The following GLRA2 variants were observed in gnomAD, a reference collection of about 807,000 sequenced individuals.
GLRA2 encodes the protein glycine receptor subunit alpha-2.
A neutral mutation model predicts 31.6 loss-of-function variants in GLRA2; 11 were observed. The observed-to-expected ratio is 0.35, with a 90% CI of 0.22 to 0.58. GLRA2 has a LOEUF of 0.58. Among genes scored for constraint, GLRA2 ranks in the 20% least tolerant of loss-of-function variants. The pLI, the probability that GLRA2 is intolerant of heterozygous loss-of-function variation, is 0.84. For missense variants in GLRA2, 212 were observed against 351.8 expected (o/e 0.60, Z 3.18); for synonymous variants, 132 against 134.0 (o/e 0.99, Z 0.10).
Position 14,661,523 on chromosome X carries a change from CAA to C in GLRA2, c.931-29186_931-29185del, listed in dbSNP as rs985551316. The stretch of plus-strand genomic sequence containing the variant: ...AAAATGTATAGCTGACAGACTAAGA[CAA>C]GAGAAAAATAATAACTTCTAGGAAG... On this transcript the variant is annotated intron_variant, in intron 7 of 8. Coordinates refer to ENST00000218075, the MANE Select transcript of GLRA2 (RefSeq NM_002063.4). Among the ~76,000 whole-genome samples the C allele has an allele frequency of 3.6e-5, 4 of 111,490 alleles. No individual in the cohort carries two copies. In the East Asian group the frequency reaches 8.4e-4, roughly 23 times the overall value.
chrX:14,587,332 T>C (rs2090091465), intron 4 of GLRA2, among the ~76,000 whole-genome samples: 1 of 112,115 alleles, frequency 8.9e-6, no homozygotes, highest in Non-Finnish European at 1.9e-5. Context: ...CTGGTTCGAA[T>C]AGTATCTCTG....
At chrX:14,585,384 C>T (rs1238363428) in intron 4 of GLRA2, among the ~76,000 whole-genome samples, 1 of 111,485 alleles carries the variant, frequency 9.0e-6, no homozygotes, top group East Asian at 2.8e-4. Context: ...ACAAGGAAAA[C>T]AAAAGTGGCT....
chrX:14,459,920 T>G, the GLRA2 span, among the ~76,000 whole-genome samples: 1 of 111,582 alleles, frequency 9.0e-6, no homozygotes. Context: ...TGAATAGGAG[T>G]GGTGAGAGAG....
chrX:14,681,929 ATG>A (rs2091214791), intron 7 of GLRA2, among the ~76,000 whole-genome samples: 5 of 84,654 alleles, frequency 5.9e-5, no homozygotes, highest in African/African-American at 4.1e-5. Flanking sequence ...ATATATATAT[ATG>A]TATATATATG....
chrX:14,639,897 A>C (rs139275640), intron 7 of GLRA2, among the ~76,000 whole-genome samples: 3,195 of 112,326 alleles, frequency 0.028, 110 homozygotes, highest in African/African-American at 0.096. Context: ...AGATGTTAAA[A>C]ATATTCATAG....
intron 2 of GLRA2, among the ~76,000 whole-genome samples, chrX:14,564,666 A>T (rs1402358441): frequency 1.8e-5 from 2 of 112,443 alleles, no homozygotes; most frequent in Non-Finnish European, 1.9e-5. Context: ...TGCATTCAAT[A>T]AAAAGATATA....
At chrX:14,502,883 C>G in the GLRA2 span, among the ~76,000 whole-genome samples, 1 of 42,119 alleles carries the variant, frequency 2.4e-5, no homozygotes, top group African/African-American at 1.1e-4. Flanking sequence ...CACAAAAATG[C>G]AAAAAAAAAA....
At chrX:14,655,911 A>C (rs1043990035) in intron 7 of GLRA2, among the ~76,000 whole-genome samples, 2 of 111,536 alleles carry the variant, frequency 1.8e-5, no homozygotes, top group African/African-American at 6.5e-5. Flanking sequence ...TTTCATAACT[A>C]TGCAAATACT....
intron 4 of GLRA2, among the ~76,000 whole-genome samples, chrX:14,586,618 ATGAATCCATACT>A (rs1437183071): frequency 8.9e-6 from 1 of 112,233 alleles, no homozygotes; most frequent in Admixed American, 9.5e-5. Context: ...ATTACTTACA[ATGAATCCATACT>A]TGAATCCATA....
At chrX:14,482,218 C>A in the GLRA2 span, among the ~76,000 whole-genome samples, 2 of 111,199 alleles carry the variant, frequency 1.8e-5, no homozygotes, top group African/African-American at 6.5e-5. Flanking sequence ...GTAAGAATGC[C>A]AAAAGAATTA....
the GLRA2 span, among the ~76,000 whole-genome samples, chrX:14,500,340 A>G: frequency 8.9e-6 from 1 of 112,398 alleles, no homozygotes; most frequent in African/African-American, 3.2e-5. Flanking sequence ...CCCAAATGGG[A>G]AAGTTCCAAA....
At chrX:14,557,063 A>T (rs1248630079) in intron 2 of GLRA2, among the ~76,000 whole-genome samples, 1 of 107,116 alleles carries the variant, frequency 9.3e-6, no homozygotes, top group East Asian at 3.0e-4. Context: ...AAACGAGTAT[A>T]AGTTCTATTA....
At chrX:14,514,460 A>G in the GLRA2 span, among the ~76,000 whole-genome samples, 2 of 111,587 alleles carry the variant, frequency 1.8e-5, no homozygotes, top group African/African-American at 6.5e-5. Context: ...CACAAAAAAG[A>G]AAAAGGAAAT....
At chrX:14,619,976 G>A (rs1157707947) in intron 7 of GLRA2, among the ~76,000 whole-genome samples, 1 of 103,115 alleles carries the variant, frequency 9.7e-6, no homozygotes, top group Non-Finnish European at 2.0e-5. Flanking sequence ...AGAATAAAAG[G>A]GAACCTACCT....
At chrX:14,665,718 C>A (rs991055980) in intron 7 of GLRA2, among the ~76,000 whole-genome samples, 1 of 112,038 alleles carries the variant, frequency 8.9e-6, no homozygotes, top group African/African-American at 3.2e-5. Context: ...CATGTCCTTT[C>A]CATAGACATA....
intron 4 of GLRA2, among the ~76,000 whole-genome samples, chrX:14,587,202 G>A (rs2090089836): frequency 8.9e-6 from 1 of 112,212 alleles, no homozygotes; most frequent in African/African-American, 3.2e-5. Flanking sequence ...TACCATTGAT[G>A]GGCAGCTAGG....
At chrX:14,453,090 G>A in the GLRA2 span, among the ~76,000 whole-genome samples, 4 of 111,712 alleles carry the variant, frequency 3.6e-5, no homozygotes, top group Admixed American at 9.5e-5. Context: ...TGGGTGATGC[G>A]TTAAGGGGAT....
intron 5 of GLRA2, among the ~76,000 whole-genome samples, chrX:14,606,240 A>G (rs187060055): frequency 9.1e-6 from 1 of 109,948 alleles, no homozygotes; most frequent in African/African-American, 3.3e-5. Context: ...TCTTATCTGA[A>G]AAGTTCAAAT....
At chrX:14,464,125 A>G in the GLRA2 span, among the ~76,000 whole-genome samples, 2 of 112,020 alleles carry the variant, frequency 1.8e-5, no homozygotes, top group Non-Finnish European at 3.8e-5. Flanking sequence ...ATTTTCTCCA[A>G]TTCTGTAGGT....
Sources: allele counts gnomAD v4.1 joint callset (sites outside exome capture counted in the v4.1 genomes callset), GRCh38; gene constraint gnomAD v4.1.1; transcripts MANE v1.5; gene names NCBI Gene and HGNC (gene_info 2026-07-23, HGNC 2026-07-21).